The following GABRG3 variants were observed in gnomAD, a reference collection of about 807,000 sequenced individuals.
The protein encoded by GABRG3 is gamma-aminobutyric acid type A receptor subunit gamma3.
GABRG3 carries 25 observed loss-of-function variants against 48.8 expected under a neutral mutation model. The ratio of observed to expected loss-of-function variants is 0.51; its 90% CI spans 0.37 to 0.72. GABRG3 has a LOEUF of 0.72. Among genes scored for constraint, GABRG3 ranks in the 30% least tolerant of loss-of-function variants. GABRG3 has a pLI of 0.00. For missense variants in GABRG3, 394 were observed against 577.9 expected (o/e 0.68, Z 3.26); for synonymous variants, 227 against 217.6 (o/e 1.04, Z -0.38).
chr15:27,313,909 C>T (rs998735302), intron 3 of GABRG3, among the ~76,000 whole-genome samples: 1 of 151,678 alleles, frequency 6.6e-6, no homozygotes, highest in African/African-American at 2.4e-5. Context: ...CTTTACATCT[C>T]AAGGCGCTAG....
At chr15:26,995,198 A>G (rs910724387) in intron 2 of GABRG3, among the ~76,000 whole-genome samples, 7 of 151,970 alleles carry the variant, frequency 4.6e-5, no homozygotes, top group Non-Finnish European at 1.0e-4. Flanking sequence ...TCAATATGAA[A>G]TATTTCTCTT....
chr15:27,157,778 A>G (rs913077092), intron 3 of GABRG3: 3 of 152,254 alleles, frequency 2.0e-5, no homozygotes. Context: ...AGACATCACA[A>G]CAGACAAGGC....
intron 6 of GABRG3, among the ~76,000 whole-genome samples, chr15:27,510,449 C>T (rs150416837): frequency 7.2e-5 from 11 of 152,250 alleles, no homozygotes; most frequent in Non-Finnish European, 1.3e-4. Context: ...TGTTGCCCTT[C>T]CCCCTGTGTA....
chr15:27,298,514 C>T (rs1179839509), intron 3 of GABRG3, among the ~76,000 whole-genome samples: 1 of 152,010 alleles, frequency 6.6e-6, no homozygotes. Context: ...GTTGGGTACT[C>T]AGTAAATCAG....
chr15:27,465,716 T>C (rs1407552104), intron 5 of GABRG3, among the ~76,000 whole-genome samples: 1 of 152,152 alleles, frequency 6.6e-6, no homozygotes, highest in Non-Finnish European at 1.5e-5. Context: ...AGTTTGCAAA[T>C]TCACCTCTAG....
intron 3 of GABRG3, among the ~76,000 whole-genome samples, chr15:27,285,386 C>G (rs911747594): frequency 6.6e-6 from 1 of 151,078 alleles, no homozygotes; most frequent in Admixed American, 6.6e-5. Flanking sequence ...GCCCAAGGAC[C>G]GAGAGAGAGG....
At chr15:26,971,879 G>T (rs973490300) in intron 1 of GABRG3, among the ~76,000 whole-genome samples, 1 of 152,146 alleles carries the variant, frequency 6.6e-6, no homozygotes. Context: ...AGGTTCAGGG[G>T]GCAGGGGCCA....
intron 3 of GABRG3, among the ~76,000 whole-genome samples, chr15:27,189,339 A>G (rs563301851): frequency 1.3e-5 from 2 of 152,094 alleles, no homozygotes; most frequent in South Asian, 2.1e-4. Context: ...TTTTCACGAT[A>G]TTGATTCTTC....
intron 3 of GABRG3, among the ~76,000 whole-genome samples, chr15:27,149,282 C>G (rs1396307106): frequency 6.6e-6 from 1 of 150,860 alleles, no homozygotes; most frequent in East Asian, 1.9e-4. Context: ...ATAAATTTAA[C>G]AAAATAAGTA....
At chr15:27,490,726 T>G (rs989639235) in intron 6 of GABRG3, among the ~76,000 whole-genome samples, 1 of 152,202 alleles carries the variant, frequency 6.6e-6, no homozygotes, top group African/African-American at 2.4e-5. Context: ...ACCCCAACTT[T>G]CCCTGGACAA....
chr15:27,387,218 A>G (rs1895949287), intron 5 of GABRG3, among the ~76,000 whole-genome samples: 2 of 151,002 alleles, frequency 1.3e-5, no homozygotes, highest in Non-Finnish European at 2.9e-5. Flanking sequence ...CTCGGTGTTG[A>G]TGTCTGCTGA....
chr15:27,511,626 C>T (rs1401719769), intron 6 of GABRG3, among the ~76,000 whole-genome samples: 1 of 152,214 alleles, frequency 6.6e-6, no homozygotes, highest in African/African-American at 2.4e-5. Flanking sequence ...AGAAGGCCTA[C>T]AAGAGCTCAG....
intron 5 of GABRG3, among the ~76,000 whole-genome samples, chr15:27,351,165 G>A (rs1471163461): frequency 6.8e-5 from 10 of 147,520 alleles, no homozygotes; most frequent in Admixed American, 1.3e-4. Context: ...GTGCATGTGC[G>A]TATGGTGTAT....
chr15:27,183,602 G>A lies in GABRG3; in HGVS notation c.271-143207G>A, dbSNP rs561639865. On this transcript the variant is annotated intron_variant, in intron 3 of 9. Transcript: ENST00000615808. ...TGAAGCATGCATTATATTCTTCTTC[G>A]AATTATTTTAAAAAACAAACATTGG... Among the ~76,000 whole-genome samples the A allele has an allele frequency of 1.4e-3, 220 of 152,238 alleles. 1 individual carries two copies. The highest frequency in any genetic ancestry group is 5.0e-3 in the African/African-American group (207 of 41,528).
At chr15:27,470,912 TTG>T (rs200112940) in intron 5 of GABRG3, among the ~76,000 whole-genome samples, 19,094 of 133,660 alleles carry the variant, frequency 0.14, 1,844 homozygotes, top group East Asian at 0.52. Flanking sequence ...GCTGTTTTTT[TTG>T]TTTGTTTGTT....
At chr15:27,384,179 C>A (rs1005195909) in intron 5 of GABRG3, among the ~76,000 whole-genome samples, 1 of 152,144 alleles carries the variant, frequency 6.6e-6, no homozygotes, top group Non-Finnish European at 1.5e-5. Context: ...AATTGTGAGA[C>A]CCGAAGTCAA....
At chr15:27,473,055 TA>T (rs761110747) in intron 5 of GABRG3, among the ~76,000 whole-genome samples, 10 of 152,222 alleles carry the variant, frequency 6.6e-5, no homozygotes, top group Admixed American at 1.3e-4. Flanking sequence ...TTTACATTCA[TA>T]TTTTTAAGCA....
At chr15:27,332,395 G>A (rs1398535346) in intron 5 of GABRG3, among the ~76,000 whole-genome samples, 1 of 152,082 alleles carries the variant, frequency 6.6e-6, no homozygotes, top group African/African-American at 2.4e-5. Flanking sequence ...GTGCCAGCTC[G>A]GGAGGCTGAG....
intron 3 of GABRG3, among the ~76,000 whole-genome samples, chr15:27,082,633 CCA>C (rs1306731975): frequency 6.6e-6 from 1 of 152,170 alleles, no homozygotes; most frequent in Non-Finnish European, 1.5e-5. Flanking sequence ...CACGATAAAA[CCA>C]CAGAGTCATT....
Sources: gnomAD v4.1 joint callset for allele counts (sites outside exome capture counted in the v4.1 genomes callset) on GRCh38, gnomAD v4.1.1 for gene constraint, MANE v1.5 for transcripts, NCBI Gene and HGNC (gene_info 2026-07-23, HGNC 2026-07-21) for gene names.